The following PIAS1 variants were observed in gnomAD, a reference collection of about 807,000 sequenced individuals.
PIAS1 encodes E3 SUMO-protein ligase PIAS1.
PIAS1 carries 6 observed loss-of-function variants against 71.3 expected under a neutral mutation model. The ratio of observed to expected loss-of-function variants is 0.08; its 90% CI spans 0.05 to 0.17. The LOEUF (loss-of-function observed/expected upper bound fraction) is 0.17. Ranked by LOEUF, PIAS1 falls within the 10% of genes least tolerant of loss-of-function variation. The pLI is 1.00. For synonymous variants in PIAS1, 303 were observed against 292.9 expected (o/e 1.03, Z -0.35); for missense variants, 555 against 793.6 (o/e 0.70, Z 3.61).
intron 2 of PIAS1, among the ~76,000 whole-genome samples, chr15:68,131,557 A>T (rs1208737282): frequency 6.6e-6 from 1 of 151,740 alleles, no homozygotes; most frequent in Non-Finnish European, 1.5e-5. Context: ...TATGAGTTTG[A>T]TTGTTTTAGA....
chr15:68,098,206 GA>G (rs1394006325), intron 2 of PIAS1, among the ~76,000 whole-genome samples: 1 of 152,156 alleles, frequency 6.6e-6, no homozygotes, highest in Admixed American at 6.6e-5. Flanking sequence ...TTGTTTACCA[GA>G]AGCCTTACCA....
rs1257020465 is a variant in PIAS1 at position 68,178,064 on chromosome 15, TC to T, written c.1481+1411del. ...ACATTGTATGATGAGATTAAAGATTTCTATCAGTTTGAGACCAGCCTGGGCA... is the reference window on the plus strand; with the variant it reads ...ACATTGTATGATGAGATTAAAGATTTTATCAGTTTGAGACCAGCCTGGGCA... On this transcript the variant is annotated intron_variant, in intron 11 of 13. Transcript: ENST00000249636. The surrounding 1 kb of genome is among the most constrained non-coding windows in gnomAD (Gnocchi z 4.2). Among the ~76,000 whole-genome samples the T allele has an allele frequency of 1.3e-5, 2 of 152,130 alleles. No homozygotes were observed. Among genetic ancestry groups the T allele is most frequent in the Admixed American group, 1.3e-4 (2 of 15,272 alleles).
chr15:68,099,534 T>G (rs184937386), intron 2 of PIAS1, among the ~76,000 whole-genome samples: 15 of 152,178 alleles, frequency 9.9e-5, no homozygotes, highest in Non-Finnish European at 1.9e-4. Flanking sequence ...TTTGGTTGTT[T>G]ACAGTTTCTG....
At chr15:68,088,952 T>C (rs750249285) in intron 2 of PIAS1, among the ~76,000 whole-genome samples, 1 of 152,234 alleles carries the variant, frequency 6.6e-6, no homozygotes, top group Non-Finnish European at 1.5e-5. Flanking sequence ...TTTCTAAACG[T>C]ACATACATTT....
intron 1 of PIAS1, among the ~76,000 whole-genome samples, chr15:68,059,604 A>G (rs997385087): frequency 2.0e-5 from 3 of 150,778 alleles, no homozygotes; most frequent in African/African-American, 7.3e-5. Context: ...TCAGCTACTC[A>G]GGAGGCTGAG....
chr15:68,150,967 A>C (rs1416500618), intron 6 of PIAS1, among the ~76,000 whole-genome samples: 1 of 152,188 alleles, frequency 6.6e-6, no homozygotes, highest in Non-Finnish European at 1.5e-5. Context: ...CATAATGAAT[A>C]GAGTATATTT....
intron 4 of PIAS1, among the ~76,000 whole-genome samples, chr15:68,143,494 A>G (rs2092786607): frequency 6.6e-6 from 1 of 152,156 alleles, no homozygotes; most frequent in South Asian, 2.1e-4. Context: ...ACAGTATGAC[A>G]GGACCTTACT....
intron 2 of PIAS1, among the ~76,000 whole-genome samples, chr15:68,127,982 T>A (rs992897741): frequency 2.0e-5 from 3 of 151,990 alleles, no homozygotes; most frequent in Non-Finnish European, 4.4e-5. Flanking sequence ...CCAGGCTGGT[T>A]TCGAACTCCT....
intron 2 of PIAS1, among the ~76,000 whole-genome samples, chr15:68,112,698 C>G (rs1395866920): frequency 6.6e-6 from 1 of 152,198 alleles, no homozygotes; most frequent in Non-Finnish European, 1.5e-5. Context: ...TTCTTATTCA[C>G]TGTCCAGTGT....
chr15:68,095,286 A>G (rs745539712), intron 2 of PIAS1, among the ~76,000 whole-genome samples: 1 of 152,086 alleles, frequency 6.6e-6, no homozygotes, highest in Non-Finnish European at 1.5e-5. Flanking sequence ...AGAATTTAAC[A>G]GCGAATTCTG....
rs141612852 is a variant in PIAS1, at chr15:68,178,225, G to A, written c.1481+1571G>A. 0.047 allele frequency among the ~76,000 whole-genome samples: 7,191 copies of A among 152,132 alleles called. 226 individuals are homozygous for A. Among genetic ancestry groups the A allele is most frequent in the Non-Finnish European group, 0.068 (4,635 of 67,976 alleles). On this transcript the variant is annotated intron_variant, in intron 11 of 13. Transcript: ENST00000249636. The surrounding 1 kb of genome is among the most constrained non-coding windows in gnomAD (Gnocchi z 4.2). Reference sequence around the variant, plus strand: ...GTGGAGGTTGCAGTGAGCTAAGATCGTGCCACTGCACTCCAACCTGGGTGA... The same window carrying A: ...GTGGAGGTTGCAGTGAGCTAAGATCATGCCACTGCACTCCAACCTGGGTGA...
At chr15:68,150,692 T>C (rs1373447682) in intron 6 of PIAS1, among the ~76,000 whole-genome samples, 3 of 152,176 alleles carry the variant, frequency 2.0e-5, no homozygotes, top group Non-Finnish European at 4.4e-5. Flanking sequence ...TCATTATTTG[T>C]AGAGAAATTA....
chr15:68,058,980 G>T (rs1245067104), intron 1 of PIAS1, among the ~76,000 whole-genome samples: 2 of 148,164 alleles, frequency 1.3e-5, no homozygotes, highest in African/African-American at 5.0e-5. Context: ...TATTAAACTA[G>T]TCCCTGTCAG....
chr15:68,127,920 G>A (rs1026335579), intron 2 of PIAS1, among the ~76,000 whole-genome samples: 28 of 152,010 alleles, frequency 1.8e-4, no homozygotes, highest in African/African-American at 3.9e-4. Flanking sequence ...ACGCCACCAC[G>A]CCCAGCTAAT....
rs535233046 is a variant in PIAS1 at position 68,187,840 on chromosome 15, C to T, written c.*5C>T. 2 of 1,609,840 alleles carry T rather than the reference C, an allele frequency of 1.2e-6. No homozygotes were observed. Among genetic ancestry groups the T allele is most frequent in the South Asian group, 1.1e-5 (1 of 90,684 alleles). On this transcript the variant is annotated 3_prime_UTR_variant, in exon 14 of 14. Transcript: ENST00000249636. This position sits in a 1 kb window ranked among gnomAD's most constrained non-coding sequence, Gnocchi z 5.3. ...GACATTATTTCATTGGACTGATTCCCAGGCCCTGCTGCTCCCATCCCCACC... is the reference window on the plus strand; with the variant it reads ...GACATTATTTCATTGGACTGATTCCTAGGCCCTGCTGCTCCCATCCCCACC...
intron 8 of PIAS1, among the ~76,000 whole-genome samples, chr15:68,172,857 A>G (rs960994169): frequency 1.3e-5 from 2 of 152,218 alleles, no homozygotes; most frequent in African/African-American, 4.8e-5. Context: ...AGCTGAAGCA[A>G]TATTTGCAGG....
chr15:68,101,189 C>T (rs946979172), intron 2 of PIAS1, among the ~76,000 whole-genome samples: 1 of 152,110 alleles, frequency 6.6e-6, no homozygotes, highest in Non-Finnish European at 1.5e-5. Context: ...TGTGAGCCAC[C>T]GTGGCTGGCC....
chr15:68,091,432 T>A (rs920022387), intron 2 of PIAS1, among the ~76,000 whole-genome samples: 1 of 152,166 alleles, frequency 6.6e-6, no homozygotes, highest in Non-Finnish European at 1.5e-5. Flanking sequence ...GATTCAGACT[T>A]AAGTATAAAC....
intron 1 of PIAS1, among the ~76,000 whole-genome samples, chr15:68,068,803 A>C (rs761676803): frequency 6.6e-6 from 1 of 151,554 alleles, no homozygotes; most frequent in Non-Finnish European, 1.5e-5. Context: ...GCTCTCATCC[A>C]CGAAGAAGTT....
Sources: allele counts gnomAD v4.1 joint callset (sites outside exome capture counted in the v4.1 genomes callset), GRCh38; gene constraint gnomAD v4.1.1; non-coding constraint Gnocchi (gnomAD v3.1); transcripts MANE v1.5; gene names NCBI Gene and HGNC (gene_info 2026-07-23, HGNC 2026-07-21).